SETX: variants seen among roughly 807,000 people sequenced by gnomAD.
The protein encoded by SETX is helicase senataxin.
Under a neutral mutation model 227.2 loss-of-function variants are expected in SETX, and 90 were observed. That is an observed-to-expected ratio of 0.40 (90% CI 0.33 to 0.47). The LOEUF (loss-of-function observed/expected upper bound fraction) is 0.47. Ranked by LOEUF, SETX falls within the 20% of genes least tolerant of loss-of-function variation. The pLI, the probability that SETX is intolerant of heterozygous loss-of-function variation, is 0.91. For synonymous variants in SETX, 1,210 were observed against 1,113.2 expected (o/e 1.09, Z -1.73); for missense variants, 3,052 against 3,181.5 (o/e 0.96, Z 0.98).
At position 132,264,672 on chromosome 9, in the gene SETX, TC is replaced by T; in HGVS notation, c.7600del (p.Asp2534ThrfsTer9). ...CAGCAGTCGTGGGTCCTGAAGTTGG[TC>T]ATGAACAGGAGGTCTTTCAGGGTCC... ...SKDPERPPVHDQLQDPRLLKR... is the reference protein window; with the variant it reads ...SKDPERPPVHXQLQDPRLLKR... On this transcript the variant is annotated frameshift_variant, in exon 26 of 26. Coordinates refer to ENST00000224140, the MANE Select transcript of SETX (RefSeq NM_015046.7). LOFTEE classifies it low-confidence loss of function (END_TRUNC). 6.2e-7 allele frequency: 1 copy of T among 1,614,184 alleles called. No homozygotes were observed. The highest frequency in any genetic ancestry group is 8.5e-7 in the Non-Finnish European group (1 of 1,180,028).
intron 10 of SETX, among the ~76,000 whole-genome samples, chr9:132,316,831 T>C (rs1213099947): frequency 2.0e-5 from 3 of 152,244 alleles, no homozygotes; most frequent in Non-Finnish European, 4.4e-5. Flanking sequence ...ACTATGGCTT[T>C]GAAACAGCTT....
At chr9:132,305,919 T>C (rs569879065) in intron 11 of SETX, among the ~76,000 whole-genome samples, 53 of 152,346 alleles carry the variant, frequency 3.5e-4, no homozygotes, top group Admixed American at 2.0e-3. Flanking sequence ...TTTTGATCAT[T>C]GTTCTGTCTT....
At chr9:132,318,843 G>A (rs1048186876) in intron 10 of SETX, among the ~76,000 whole-genome samples, 30 of 152,086 alleles carry the variant, frequency 2.0e-4, no homozygotes, top group African/African-American at 6.5e-4. Flanking sequence ...AGAAAAAAGG[G>A]GGAAAACCTA....
intron 11 of SETX, among the ~76,000 whole-genome samples, chr9:132,303,177 T>C (rs923183060): frequency 3.3e-5 from 5 of 151,726 alleles, no homozygotes; most frequent in Non-Finnish European, 7.4e-5. Flanking sequence ...GCCACCATGC[T>C]CAGCTAATTT....
intron 23 of SETX, among the ~76,000 whole-genome samples, chr9:132,274,441 T>C (rs1304181247): frequency 7.9e-6 from 1 of 127,138 alleles, no homozygotes; most frequent in South Asian, 2.3e-4. Flanking sequence ...TGATTTTTTC[T>C]TTTTTTTTTT....
chr9:132,283,307 C>T lies in SETX; in HGVS notation c.6503G>A (p.Arg2168His), dbSNP rs1326133202. 3.7e-6 allele frequency: 6 copies of T among 1,614,048 alleles called. No homozygotes were observed. The highest frequency in any genetic ancestry group is 5.1e-6 in the Non-Finnish European group (6 of 1,180,038). The change falls in exon 19 of 26, where the codon CGT (arginine) becomes CAT (histidine). Residue 2168 changes from arginine to histidine, a missense_variant. By Grantham distance (29) the Arg-to-His change is conservative. Transcript: ENST00000224140. ...GCTGAAGGGGACACCCCCTTGCCCA[C>T]GGAAAGCAGACTCAAGTAGTAAACC... is the stretch of plus-strand genomic sequence containing the variant. Reference protein sequence around the residue: ...SGGLLLESAFRGQGGVPFSCV... With the variant: ...SGGLLLESAFHGQGGVPFSCV...
intron 10 of SETX, among the ~76,000 whole-genome samples, chr9:132,317,118 A>G (rs1429745701): frequency 6.6e-6 from 1 of 152,240 alleles, no homozygotes; most frequent in Non-Finnish European, 1.5e-5. Context: ...TATCACCTTT[A>G]AAATAGTTGT....
intron 10 of SETX, among the ~76,000 whole-genome samples, chr9:132,320,374 G>C (rs1846240784): frequency 6.6e-6 from 1 of 152,120 alleles, no homozygotes; most frequent in South Asian, 2.1e-4. Context: ...AGAAGATTGA[G>C]ACCATCCTGG....
In SETX at chr9:132,298,314, TATC is replaced by T. The variant is rs763170379; in HGVS notation, c.5549-5_5549-3del. 6.2e-7 allele frequency: 1 copy of T among 1,612,910 alleles called. No individual in the cohort carries two copies. Among genetic ancestry groups the T allele is most frequent in the African/African-American group, 1.3e-5 (1 of 74,984 alleles). On this transcript the variant is annotated splice_polypyrimidine_tract_variant and splice_region_variant and intron_variant, in intron 12 of 25. Transcript: ENST00000224140. ...AACACTCAGTTTTCCCATTACGCACTATCATCAAGAAAGAGAAAAAGCAACTTC... is the reference window on the plus strand; with the variant it reads ...AACACTCAGTTTTCCCATTACGCACTATCAAGAAAGAGAAAAAGCAACTTC...
intron 6 of SETX, among the ~76,000 whole-genome samples, chr9:132,335,809 A>C (rs180981587): frequency 8.5e-5 from 13 of 152,348 alleles, no homozygotes; most frequent in African/African-American, 2.9e-4. Flanking sequence ...AGTTTCTAGG[A>C]TATAAATACT....
At chr9:132,279,679 A>C (rs1269917244) in intron 20 of SETX, among the ~76,000 whole-genome samples, 1 of 152,212 alleles carries the variant, frequency 6.6e-6, no homozygotes, top group Non-Finnish European at 1.5e-5. Flanking sequence ...TTTTCCCTAA[A>C]TCCTCAAAAG....
rs774690768 is a variant in SETX at position 132,334,592 on chromosome 9, A to C, written c.838+16T>G. On this transcript the variant is annotated intron_variant, in intron 7 of 25. Transcript: ENST00000224140. ...ATCACTATATTCAACAACATTCAGC[A>C]AGTAAAGTTTATTACCATCTGCTTC... 6.2e-7 allele frequency: 1 copy of C among 1,613,756 alleles called. No homozygotes were observed. Among genetic ancestry groups the C allele is most frequent in the East Asian group, 2.2e-5 (1 of 44,860 alleles).
At chr9:132,321,025 T>A (rs145634551) in intron 10 of SETX, among the ~76,000 whole-genome samples, 3 of 151,988 alleles carry the variant, frequency 2.0e-5, no homozygotes, top group African/African-American at 7.3e-5. Context: ...ATAAGCAGTC[T>A]CTGACCTTGA....
intron 22 of SETX, 115 bp downstream of exon 22, chr9:132,276,945 T>C: frequency 1.1e-6 from 1 of 872,728 alleles, no homozygotes; most frequent in Non-Finnish European, 1.9e-6. Flanking sequence ...AACATGACTG[T>C]GCCCTGACAC....
intron 10 of SETX, among the ~76,000 whole-genome samples, chr9:132,319,216 C>T (rs1225496881): frequency 1.3e-5 from 2 of 152,212 alleles, no homozygotes; most frequent in African/African-American, 4.8e-5. Context: ...TCCATTTCTA[C>T]AGCTCCCACC....
chr9:132,300,844 AG>A (rs1479549651), intron 11 of SETX, 41 bp from the exon 12 acceptor site: 22 of 1,531,348 alleles, frequency 1.4e-5, no homozygotes, highest in Non-Finnish European at 1.9e-5. Flanking sequence ...TAACTCTAAT[AG>A]AATTATTTTA....
intron 20 of SETX, among the ~76,000 whole-genome samples, chr9:132,280,503 C>T (rs939154343): frequency 2.0e-5 from 3 of 152,106 alleles, no homozygotes; most frequent in African/African-American, 4.8e-5. Context: ...CACTGGGTGA[C>T]GGGTGTGCTT....
rs755707645 is a variant in SETX, at chr9:132,330,166, G to C, written c.1432C>G (p.Leu478Val). 6.3e-7 allele frequency: 1 copy of C among 1,596,046 alleles called. No homozygotes were observed. Among genetic ancestry groups the C allele is most frequent in the Non-Finnish European group, 8.6e-7 (1 of 1,169,336 alleles). Reference sequence around the variant, plus strand: ...ACCCATTGCTGGGAACTTACCCACAGCAAATGCAAACATTTTTTATTTCTA... The same window carrying C: ...ACCCATTGCTGGGAACTTACCCACACCAAATGCAAACATTTTTTATTTCTA... Reference protein sequence around the residue: ...LHRNKKCLHLLWVSSQQWVEA... With the variant: ...LHRNKKCLHLVWVSSQQWVEA... The change falls in exon 10 of 26, where the codon CTG becomes GTG. Residue 478 changes from leucine (L) to valine (V), a missense_variant. This residue lies in a region of SETX where 179 missense variants were observed against 197.1 expected (regional missense o/e 0.91). Transcript: ENST00000224140.
chr9:132,298,113 T>C lies in SETX; in HGVS notation c.5748A>G (p.Thr1916=). ...VLNPNPMDFC[T]KDLLTTTSER... ...CAGATGTTGTAGTCAGTAAATCTTT[T>C]GTACAGAAGTCCATAGGGTTTGGAT... Residue 1916 remains threonine, a synonymous_variant, in exon 13 of 26, where the codon ACA becomes ACG. Transcript: ENST00000224140. 1.2e-6 allele frequency: 2 copies of C among 1,614,142 alleles called. No individual in the cohort carries two copies. Among genetic ancestry groups the C allele is most frequent in the Non-Finnish European group, 8.5e-7 (1 of 1,179,986 alleles).
Sources: allele counts gnomAD v4.1 joint callset (sites outside exome capture counted in the v4.1 genomes callset), GRCh38; gene constraint gnomAD v4.1.1; regional missense constraint gnomAD v4.1.1; transcripts MANE v1.5; gene names NCBI Gene and HGNC (gene_info 2026-07-23, HGNC 2026-07-21).